Variants in MSRA observed in about 807,000 individuals in gnomAD.
MSRA encodes mitochondrial peptide methionine sulfoxide reductase.
Under a neutral mutation model 31.3 loss-of-function variants are expected in MSRA, and 54 were observed. That is an observed-to-expected ratio of 1.73 (90% CI 1.39 to 2.17). The LOEUF is 2.17. MSRA is among the 30% of genes most tolerant of loss of function. The pLI, the probability that MSRA is intolerant of heterozygous loss-of-function variation, is 0.00. For missense variants in MSRA, 507 were observed against 300.9 expected (o/e 1.69, Z -5.07); for synonymous variants, 169 against 116.5 (o/e 1.45, Z -2.90).
chr8:10,425,815 G>C (rs1354225884), intron 5 of MSRA, among the ~76,000 whole-genome samples: 1 of 152,252 alleles, frequency 6.6e-6, no homozygotes, highest in Non-Finnish European at 1.5e-5. Context: ...TGTGAACCCG[G>C]AGCCCTTGGG....
At chr8:10,286,133 G>C (rs1255140586) in intron 3 of MSRA, among the ~76,000 whole-genome samples, 1 of 152,042 alleles carries the variant, frequency 6.6e-6, no homozygotes, top group Non-Finnish European at 1.5e-5. Context: ...TCCATTCTAG[G>C]ATCTTCTTCC....
At chr8:10,104,776 C>T (rs1469911217) in intron 1 of MSRA, among the ~76,000 whole-genome samples, 7 of 152,210 alleles carry the variant, frequency 4.6e-5, no homozygotes, top group African/African-American at 1.7e-4. Context: ...CCCTTCACAT[C>T]ATAGCCTGAA....
intron 5 of MSRA, among the ~76,000 whole-genome samples, chr8:10,400,435 C>A (rs990411641): frequency 1.3e-5 from 2 of 150,004 alleles, no homozygotes; most frequent in Non-Finnish European, 3.0e-5. Context: ...AGAGCTGGGG[C>A]TGGGGATATC....
chr8:10,343,995 A>C (rs1485990218), intron 5 of MSRA, among the ~76,000 whole-genome samples: 2 of 152,114 alleles, frequency 1.3e-5, no homozygotes, highest in African/African-American at 4.8e-5. Flanking sequence ...TGTTTACCCA[A>C]AGATCACTTT....
chr8:10,404,824 C>G lies in MSRA; in HGVS notation c.544-23324C>G, dbSNP rs182762203. On this transcript the variant is annotated intron_variant, in intron 5 of 5. Transcript: ENST00000317173. ...GACCCTTCCATTTTTGGCCGCCAGA[C>G]CATGGATGTGGCGTGTCCCACTTCC... is the stretch of plus-strand genomic sequence containing the variant. Among the ~76,000 whole-genome samples, 136 of 152,334 alleles carry G rather than the reference C, an allele frequency of 8.9e-4. 1 individual carries two copies. The highest frequency in any genetic ancestry group is 3.1e-3 in the African/African-American group (127 of 41,584).
rs181057925 is a variant in MSRA, at chr8:10,127,061, G to A, written c.142+72403G>A. Among the ~76,000 whole-genome samples the A allele has an allele frequency of 3.2e-4, 48 of 152,302 alleles. No individual in the cohort carries two copies. In the East Asian group the frequency reaches 4.2e-3, roughly 13 times the overall value. On this transcript the variant is annotated intron_variant, in intron 1 of 5. Transcript: ENST00000317173. ...AGTTAACTACAGATGACATTCTGGC[G>A]AACATACTACCAGACATTTCTCTAG... is the stretch of plus-strand genomic sequence containing the variant.
At chr8:10,260,483 G>A (rs749762039) in intron 3 of MSRA, among the ~76,000 whole-genome samples, 3 of 152,200 alleles carry the variant, frequency 2.0e-5, no homozygotes, top group South Asian at 4.1e-4. Flanking sequence ...GAGGCAGCAC[G>A]CAGAGTTGAC....
intron 3 of MSRA, among the ~76,000 whole-genome samples, chr8:10,248,275 G>A (rs1246574322): frequency 6.6e-6 from 1 of 152,210 alleles, no homozygotes; most frequent in African/African-American, 2.4e-5. Flanking sequence ...GAAGCATAGA[G>A]ACCTGGATTG....
rs1807336658 is a variant in MSRA at position 10,189,508 on chromosome 8, C to T, written c.143-18325C>T. Among the ~76,000 whole-genome samples the T allele has an allele frequency of 3.9e-5, 6 of 152,172 alleles. No individual in the cohort carries two copies. The South Asian group carries it at 1.2e-3, about 32-fold the overall frequency. ...TAGTAGATTTTTTTTATTAGCTTAT[C>T]TCCCTTGTTGACTAAAAAAAGTTTT... is the stretch of plus-strand genomic sequence containing the variant. On this transcript the variant is annotated intron_variant, in intron 1 of 5. Transcript: ENST00000317173.
intron 5 of MSRA, among the ~76,000 whole-genome samples, chr8:10,376,228 A>G (rs930869783): frequency 6.6e-6 from 1 of 152,114 alleles, no homozygotes. Context: ...GGGCGATCAC[A>G]TGTCTCTTAG....
intron 3 of MSRA, among the ~76,000 whole-genome samples, chr8:10,254,962 G>C (rs148339531): frequency 1.3e-5 from 2 of 152,190 alleles, no homozygotes; most frequent in Non-Finnish European, 2.9e-5. Flanking sequence ...CATCTGTTCC[G>C]GTGATTTGTT....
chr8:10,330,316 A>T (rs1230720551), intron 5 of MSRA, among the ~76,000 whole-genome samples: 1 of 152,012 alleles, frequency 6.6e-6, no homozygotes, highest in African/African-American at 2.4e-5. Context: ...TAATTATACC[A>T]ACCCAAATGA....
chr8:10,248,553 CAG>C, intron 3 of MSRA, among the ~76,000 whole-genome samples: 1 of 152,302 alleles, frequency 6.6e-6, no homozygotes, highest in Middle Eastern at 3.4e-3. Context: ...ACAGCCTCAA[CAG>C]GGGAGAAGTG....
intron 1 of MSRA, among the ~76,000 whole-genome samples, chr8:10,074,051 G>A (rs924148185): frequency 8.8e-5 from 5 of 56,776 alleles, no homozygotes; most frequent in African/African-American, 2.3e-4. Context: ...TTTGTCTAAG[G>A]GAGGTGCTTT....
intron 1 of MSRA, among the ~76,000 whole-genome samples, chr8:10,103,679 G>A (rs1192096751): frequency 1.3e-5 from 2 of 152,050 alleles, no homozygotes; most frequent in Non-Finnish European, 2.9e-5. Flanking sequence ...CTTTTCAGCT[G>A]TTTATTCCAA....
At chr8:10,421,650 G>A (rs77939792) in intron 5 of MSRA, among the ~76,000 whole-genome samples, 6,882 of 152,174 alleles carry the variant, frequency 0.045, 532 homozygotes, top group African/African-American at 0.16. Context: ...TTTACTGGCC[G>A]CCCTAGAAGG....
At chr8:10,340,808 T>G (rs1046774519) in intron 5 of MSRA, among the ~76,000 whole-genome samples, 1 of 152,252 alleles carries the variant, frequency 6.6e-6, no homozygotes, top group Admixed American at 6.5e-5. Context: ...ACTTAAAACC[T>G]GCAAAGGCAT....
chr8:10,368,746 G>C (rs557184326), intron 5 of MSRA, among the ~76,000 whole-genome samples: 6 of 152,228 alleles, frequency 3.9e-5, no homozygotes, highest in Non-Finnish European at 8.8e-5. Context: ...GAACCACATA[G>C]GGACAGAGTG....
intron 1 of MSRA, among the ~76,000 whole-genome samples, chr8:10,088,069 C>T (rs1173894304): frequency 2.0e-5 from 3 of 152,090 alleles, no homozygotes; most frequent in Non-Finnish European, 4.4e-5. Context: ...CTTTAGGGCT[C>T]CTTGGAAGGA....
Sources: allele counts gnomAD v4.1 joint callset (sites outside exome capture counted in the v4.1 genomes callset), GRCh38; gene constraint gnomAD v4.1.1; transcripts MANE v1.5; gene names NCBI Gene and HGNC (gene_info 2026-07-23, HGNC 2026-07-21).